GPR139: variants seen among roughly 807,000 people sequenced by gnomAD.
GPR139 encodes the protein probable G protein-coupled receptor 139.
In GPR139, 12 loss-of-function variants were observed where a neutral mutation model predicts 25.8. The ratio of observed to expected loss-of-function variants is 0.47; its 90% CI spans 0.30 to 0.75. The LOEUF (loss-of-function observed/expected upper bound fraction) is 0.75. Ranked by LOEUF, GPR139 falls within the 30% of genes least tolerant of loss-of-function variation. The probability of loss-of-function intolerance (pLI) is 0.07; values close to 1 mark genes in which losing one functional copy is unlikely to be tolerated. For synonymous variants in GPR139, 184 were observed against 179.9 expected (o/e 1.02, Z -0.18); for missense variants, 380 against 450.2 (o/e 0.84, Z 1.41).
intron 1 of GPR139, among the ~76,000 whole-genome samples, chr16:20,036,886 A>T (rs2057311776): frequency 6.6e-6 from 1 of 152,210 alleles, no homozygotes; most frequent in Admixed American, 6.5e-5. Flanking sequence ...CTATTGACTG[A>T]GAGTCCATTC....
intron 1 of GPR139, among the ~76,000 whole-genome samples, chr16:20,050,406 G>A (rs927035854): frequency 6.6e-6 from 1 of 152,132 alleles, no homozygotes; most frequent in Non-Finnish European, 1.5e-5. Flanking sequence ...GGGATGGGTG[G>A]GGCTAGGAGA....
intron 1 of GPR139, among the ~76,000 whole-genome samples, chr16:20,037,070 T>C (rs2141201794): frequency 6.6e-6 from 1 of 152,254 alleles, no homozygotes; most frequent in Non-Finnish European, 1.5e-5. Context: ...TCAGATGTGA[T>C]ACTAGGAAGA....
At chr16:20,061,608 G>T (rs2057414744) in intron 1 of GPR139, among the ~76,000 whole-genome samples, 1 of 152,222 alleles carries the variant, frequency 6.6e-6, no homozygotes, top group Admixed American at 6.5e-5. Context: ...TCTCAATGCA[G>T]TCCAGCAGGT....
intron 1 of GPR139, among the ~76,000 whole-genome samples, chr16:20,044,299 A>G (rs770602400): frequency 5.6e-4 from 86 of 152,244 alleles, no homozygotes; most frequent in Non-Finnish European, 6.8e-4. Context: ...CTCAGACTCA[A>G]TCAATGAAAA....
At chr16:20,037,041 G>C (rs186644075) in intron 1 of GPR139, among the ~76,000 whole-genome samples, 1 of 152,110 alleles carries the variant, frequency 6.6e-6, no homozygotes, top group Non-Finnish European at 1.5e-5. Flanking sequence ...AAACAGACAC[G>C]CAAATGCACA....
chr16:20,050,735 G>A (rs2057368900), intron 1 of GPR139, among the ~76,000 whole-genome samples: 1 of 152,178 alleles, frequency 6.6e-6, no homozygotes, highest in African/African-American at 2.4e-5. Context: ...AGTCATTGAG[G>A]GGCATCAAAC....
chr16:20,053,150 G>C (rs2057378082), intron 1 of GPR139, among the ~76,000 whole-genome samples: 1 of 152,162 alleles, frequency 6.6e-6, no homozygotes, highest in Non-Finnish European at 1.5e-5. Context: ...TAAGTTAAGA[G>C]CTGAAATTTG....
intron 1 of GPR139, among the ~76,000 whole-genome samples, chr16:20,058,150 A>G (rs2057397797): frequency 6.6e-6 from 1 of 152,312 alleles, no homozygotes; most frequent in Non-Finnish European, 1.5e-5. Context: ...ATTCCCTTCA[A>G]TAAGATGGGC....
intron 1 of GPR139, among the ~76,000 whole-genome samples, chr16:20,040,672 AC>A (rs2057326558): frequency 6.6e-6 from 1 of 152,030 alleles, no homozygotes; most frequent in Non-Finnish European, 1.5e-5. Flanking sequence ...CCTTTCTTCC[AC>A]TTCTCTCGTA....
In GPR139 at chr16:20,033,168, G is replaced by A. The variant is rs375947663; in HGVS notation, c.128-499C>T. Among the ~76,000 whole-genome samples, 225 of 150,748 alleles carry A rather than the reference G, an allele frequency of 1.5e-3. 2 individuals carry two copies. The highest frequency in any genetic ancestry group is 5.0e-3 in the African/African-American group (204 of 40,890). On this transcript the variant is annotated intron_variant, in intron 1 of 1. Coordinates refer to ENST00000570682, the MANE Select transcript of GPR139 (RefSeq NM_001002911.4). ...TCTCCTCACACAACCATGGAAGGTG[G>A]TGTTGCCATTCTCCTCACACAACCA... is the stretch of plus-strand genomic sequence containing the variant.
intron 1 of GPR139, among the ~76,000 whole-genome samples, chr16:20,063,185 T>C (rs2057419873): frequency 6.6e-6 from 1 of 152,226 alleles, no homozygotes; most frequent in Admixed American, 6.5e-5. Flanking sequence ...CACGTGTATA[T>C]AACCACCCCA....
In GPR139 at chr16:20,032,148, G is replaced by A. The variant is rs942765597; in HGVS notation, c.649C>T (p.Arg217Cys). ...TTCCCCGTGGAGTAGCCACGGAGAC[G>A]AAAATTGCTCTTCCTCCTGAGCTTG... ...VYKLRRKSNF[R>C]LRGYSTGKTT... Residue 217 changes from arginine to cysteine, a missense_variant, in exon 2 of 2, where the codon CGT (arginine) becomes TGT (cysteine). Physicochemically the swap from Arg to Cys is radical, Grantham distance 180. Transcript: ENST00000570682. The A allele has an allele frequency of 6.2e-7, 1 of 1,614,200 alleles. No individual in the cohort carries two copies. Among genetic ancestry groups the A allele is most frequent in the Non-Finnish European group, 8.5e-7 (1 of 1,180,034 alleles).
At chr16:20,037,262 G>A (rs112652567) in intron 1 of GPR139, among the ~76,000 whole-genome samples, 34 of 152,162 alleles carry the variant, frequency 2.2e-4, no homozygotes, top group African/African-American at 8.2e-4. Flanking sequence ...GACCAGCCTG[G>A]CCAACATGGT....
intron 1 of GPR139, among the ~76,000 whole-genome samples, chr16:20,035,932 T>A (rs2057308398): frequency 6.6e-6 from 1 of 152,220 alleles, no homozygotes; most frequent in Non-Finnish European, 1.5e-5. Context: ...CATCCAGAAA[T>A]TTTTCCAAAA....
In GPR139 at chr16:20,073,175, C is replaced by T. The variant is rs898153000; in HGVS notation, c.127+315G>A. Among the ~76,000 whole-genome samples the T allele has an allele frequency of 6.7e-6, 1 of 148,504 alleles. No individual in the cohort carries two copies. Among genetic ancestry groups the T allele is most frequent in the African/African-American group, 2.4e-5 (1 of 41,182 alleles). ...CTACGCCCCCACCCCATGAAAGCCG[C>T]CCCCTCCAGATGCGCGCACAAATGC... On this transcript the variant is annotated intron_variant, in intron 1 of 1. Coordinates refer to ENST00000570682, the MANE Select transcript of GPR139 (RefSeq NM_001002911.4). The surrounding 1 kb of genome is among the most constrained non-coding windows in gnomAD (Gnocchi z 4.7).
At chr16:20,070,836 A>C in intron 1 of GPR139, 1 of 431,218 alleles carries the variant, frequency 2.3e-6, no homozygotes, top group Non-Finnish European at 3.1e-6. Flanking sequence ...TGGAGTAATG[A>C]GAGTTTGCTA....
Position 20,031,571 on chromosome 16 carries a change from C to G in GPR139, c.*164G>C, listed in dbSNP as rs1018073651. The G allele has an allele frequency of 1.6e-6, 1 of 628,402 alleles. No individual in the cohort carries two copies. The highest frequency in any genetic ancestry group is 2.8e-6 in the Non-Finnish European group (1 of 351,358). The allele number at this position is 628,402 out of a possible 1,614,324, so 38.9% of individuals were successfully genotyped here. A position where few individuals can be genotyped will look rare whatever the true frequency, so the allele number is the denominator to read the frequency against. ...AAAAACAAGCTTCATGCTCTCCTTT[C>G]TTCTCTTCCATCTCTTCTCATCTAC... is the stretch of plus-strand genomic sequence containing the variant. On this transcript the variant is annotated 3_prime_UTR_variant, in exon 2 of 2. Coordinates refer to ENST00000570682, the MANE Select transcript of GPR139 (RefSeq NM_001002911.4).
At chr16:20,040,254 C>A (rs1286126471) in intron 1 of GPR139, among the ~76,000 whole-genome samples, 3 of 152,162 alleles carry the variant, frequency 2.0e-5, no homozygotes, top group Non-Finnish European at 4.4e-5. Flanking sequence ...AGCCCAGGAA[C>A]CGTGACAAAT....
chr16:20,065,922 G>C (rs968056591), intron 1 of GPR139, among the ~76,000 whole-genome samples: 2 of 151,624 alleles, frequency 1.3e-5, no homozygotes, highest in African/African-American at 4.8e-5. Flanking sequence ...CGTTTGAAGT[G>C]TTTTGAAGAA....
Sources: allele counts gnomAD v4.1 joint callset (sites outside exome capture counted in the v4.1 genomes callset), GRCh38; gene constraint gnomAD v4.1.1; non-coding constraint Gnocchi (gnomAD v3.1); transcripts MANE v1.5; gene names NCBI Gene and HGNC (gene_info 2026-07-23, HGNC 2026-07-21).